Variants in C1orf232 observed in about 807,000 individuals in gnomAD.
The protein encoded by C1orf232 is chromosome 1 open reading frame 230.
In C1orf232, 10 loss-of-function variants were observed where a neutral mutation model predicts 12.1. The observed-to-expected ratio is 0.82, with a 90% confidence interval of 0.51 to 1.40. C1orf232 has a LOEUF of 1.40. Among genes scored for constraint, C1orf232 ranks in the 40% most tolerant of loss-of-function variants. C1orf232 has a pLI of 0.00. For missense variants in C1orf232, 88 were observed against 98.4 expected (o/e 0.89, Z 0.45); for synonymous variants, 36 against 39.8 (o/e 0.90, Z 0.36).
intron 1 of C1orf232, among the ~76,000 whole-genome samples, chr1:26,167,876 G>A (rs948498080): frequency 1.3e-4 from 20 of 152,068 alleles, no homozygotes; most frequent in Non-Finnish European, 2.9e-5. Flanking sequence ...CACCCACCTC[G>A]GCCTCCCAAA....
chr1:26,166,184 T>C, intron 1 of C1orf232, 66 bp from the exon 2 acceptor site: 2 of 1,146,328 alleles, frequency 1.7e-6, no homozygotes, highest in African/African-American at 3.2e-5. Flanking sequence ...CCTCCTCCAC[T>C]GCTAGCCTAG....
At chr1:26,165,682 C>T in intron 3 of C1orf232, 144 bp downstream of exon 3, 1 of 1,215,692 alleles carries the variant, frequency 8.2e-7, no homozygotes, top group Middle Eastern at 3.2e-4. Context: ...GGCCTGTTTC[C>T]TGCTGAGAGA....
intron 3 of C1orf232, chr1:26,165,580 G>A (rs942692031): frequency 1.3e-5 from 7 of 554,324 alleles, no homozygotes; most frequent in East Asian, 3.5e-5. Context: ...CGGATGGGTC[G>A]TGAGAGCCCA....
Position 26,168,599 on chromosome 1 carries a change from T to A in C1orf232, c.-100A>T. 1 of 728,362 alleles carries A rather than the reference T, an allele frequency of 1.4e-6. No homozygotes were observed. Among genetic ancestry groups the A allele is most frequent in the Non-Finnish European group, 1.9e-6 (1 of 528,588 alleles). 45.1% of individuals were successfully genotyped at this position (728,362 alleles called of 1,614,324 possible). On this transcript the variant is annotated 5_prime_UTR_variant, in exon 1 of 4. Transcript: ENST00000634842. ...TAGGAACTTGGTGAGGCCAAGAGCC[T>A]GTCCGAGGGATCCAGTGACTTCATT...
At position 26,168,882 on chromosome 1, in the gene C1orf232, C is replaced by G. The variant is rs114742841; in HGVS notation, c.-383G>C. Among the ~76,000 whole-genome samples the G allele has an allele frequency of 6.6e-6, 1 of 152,228 alleles. No homozygotes were observed. The highest frequency in any genetic ancestry group is 1.5e-5 in the Non-Finnish European group (1 of 68,040). ...AAAATCCTGAGGTCTGGGACCCACA[C>G]TGGAGCCCCTGTGACTGTAGTCATA... On this transcript the variant is annotated 5_prime_UTR_variant, in exon 1 of 4. Coordinates refer to ENST00000634842, the MANE Select transcript of C1orf232 (RefSeq NM_001364669.2).
At chr1:26,166,649 C>A (rs536742039) in intron 1 of C1orf232, among the ~76,000 whole-genome samples, 5 of 152,274 alleles carry the variant, frequency 3.3e-5, no homozygotes, top group Non-Finnish European at 5.9e-5. Flanking sequence ...ACCTGCCCAC[C>A]ACAGACACAT....
rs1383368247 is a variant in C1orf232, at chr1:26,164,295, C to G, written c.427G>C (p.Ala143Pro). 40 of 397,882 alleles carry G rather than the reference C, an allele frequency of 1.0e-4. No homozygotes were observed. Among genetic ancestry groups the G allele is most frequent in the Non-Finnish European group, 1.5e-4 (33 of 225,628 alleles). The allele number at this position is 397,882 out of a possible 1,614,324, so 24.6% of individuals were successfully genotyped here. ...GCGGCCTCCTCCGCGGCCTCGTCCG[C>G]GGGTTCGGGGTCCGGCTCCGGAGTG... ...EPTPEPDPEP[A>P]DEAAEEAAER... Residue 143 changes from alanine (A) to proline (P), a missense_variant, in exon 4 of 4, where the codon GCG (alanine) becomes CCG (proline). Transcript: ENST00000634842. This position sits in a 1 kb window ranked among gnomAD's most constrained non-coding sequence, Gnocchi z 4.2.
Position 26,164,540 on chromosome 1 carries a change from G to A in C1orf232, c.267-85C>T, listed in dbSNP as rs1013278683. On this transcript the variant is annotated intron_variant, in intron 3 of 3. Transcript: ENST00000634842. This position sits in a 1 kb window ranked among gnomAD's most constrained non-coding sequence, Gnocchi z 4.2. ...TGGGCTGACGGAGGAGTTTAGTGGG[G>A]CCGGGGGAACCTGGGCGGAGTCAGG... The A allele has an allele frequency of 8.3e-6, 3 of 360,470 alleles. No homozygotes were observed. The highest frequency in any genetic ancestry group is 1.5e-5 in the Non-Finnish European group (3 of 201,806). The allele number at this position is 360,470 out of a possible 1,614,324, so 22.3% of individuals were successfully genotyped here.
At chr1:26,165,786 A>G in intron 3 of C1orf232, 40 bp downstream of exon 3, 1 of 1,231,910 alleles carries the variant, frequency 8.1e-7, no homozygotes, top group Non-Finnish European at 1.0e-6. Flanking sequence ...GGGGGACCTC[A>G]GGCCCCTTCC....
Position 26,164,976 on chromosome 1 carries a change from T to G in C1orf232, c.267-521A>C, listed in dbSNP as rs2088409698. Among the ~76,000 whole-genome samples, 2 of 151,512 alleles carry G rather than the reference T, an allele frequency of 1.3e-5. No homozygotes were observed. On this transcript the variant is annotated intron_variant, in intron 3 of 3. Coordinates refer to ENST00000634842, the MANE Select transcript of C1orf232 (RefSeq NM_001364669.2). This position sits in a 1 kb window ranked among gnomAD's most constrained non-coding sequence, Gnocchi z 4.2. ...AGAAAGGTGGAGCGACAGGAAGGCCTAGGTCAGAGGCTTAGGGGAGAGCGC... is the reference window on the plus strand; with the variant it reads ...AGAAAGGTGGAGCGACAGGAAGGCCGAGGTCAGAGGCTTAGGGGAGAGCGC...
intron 1 of C1orf232, 87 bp from the exon 2 acceptor site, chr1:26,166,205 C>G (rs1569856590): frequency 1.0e-6 from 1 of 969,366 alleles, no homozygotes. Flanking sequence ...TACACACAGA[C>G]CAGGCACCCC....
chr1:26,166,246 C>T (rs987559667), intron 1 of C1orf232, 128 bp from the exon 2 acceptor site: 4 of 529,022 alleles, frequency 7.6e-6, no homozygotes, highest in African/African-American at 5.9e-5. Context: ...CACACCTATA[C>T]ACTCCACAGA....
intron 3 of C1orf232, among the ~76,000 whole-genome samples, chr1:26,165,287 C>T (rs2088414307): frequency 6.6e-6 from 1 of 152,084 alleles, no homozygotes; most frequent in Non-Finnish European, 1.5e-5. Flanking sequence ...TCCCAGGTCC[C>T]ACCCGCTAAT....
At chr1:26,167,233 A>G (rs1427868929) in intron 1 of C1orf232, among the ~76,000 whole-genome samples, 2 of 152,212 alleles carry the variant, frequency 1.3e-5, no homozygotes, top group Admixed American at 1.3e-4. Context: ...TTGTTTTGAG[A>G]CAAAGTCTCA....
In C1orf232 at chr1:26,165,922, A is replaced by G. The variant is rs2088421414; in HGVS notation, c.170T>C (p.Val57Ala). ...CCAGCCTTTCACCCCGACCCCCTGA[A>G]CCTGGGAAAGGGGTTGGGAGTCAGG... is the stretch of plus-strand genomic sequence containing the variant. Reference protein sequence around the residue: ...FNPMSQLARRVQGVGVKGWLT... With the variant: ...FNPMSQLARRAQGVGVKGWLT... The change falls in exon 3 of 4, where the codon GTT (valine) becomes GCT (alanine). Residue 57 changes from valine to alanine, a missense_variant and splice_region_variant. Physicochemically the swap from Val to Ala is moderately conservative, Grantham distance 64. Transcript: ENST00000634842. 1.6e-6 allele frequency: 2 copies of G among 1,231,690 alleles called. No individual in the cohort carries two copies. The highest frequency in any genetic ancestry group is 2.0e-6 in the Non-Finnish European group (2 of 988,006). The allele number at this position is 1,231,690 out of a possible 1,614,324, so 76.3% of individuals were successfully genotyped here. A position where few individuals can be genotyped will look rare whatever the true frequency, so the allele number is the denominator to read the frequency against.
chr1:26,166,210 C>T, intron 1 of C1orf232, 92 bp from the exon 2 acceptor site: 1 of 924,600 alleles, frequency 1.1e-6, no homozygotes, highest in East Asian at 3.3e-5. Context: ...ACAGACCAGG[C>T]ACCCCAAATC....
intron 1 of C1orf232, among the ~76,000 whole-genome samples, chr1:26,167,976 A>G (rs1198740883): frequency 6.6e-6 from 1 of 152,128 alleles, no homozygotes; most frequent in African/African-American, 2.4e-5. Context: ...TAATGTCAGA[A>G]CAAAGCATGG....
intron 3 of C1orf232, 111 bp downstream of exon 3, chr1:26,165,715 C>T (rs2088417994): frequency 8.1e-7 from 1 of 1,231,222 alleles, no homozygotes. Context: ...CTGGGACTGC[C>T]CCTCCCCAGC....
intron 1 of C1orf232, among the ~76,000 whole-genome samples, chr1:26,167,194 T>G (rs1279815840): frequency 6.6e-6 from 1 of 152,212 alleles, no homozygotes; most frequent in African/African-American, 2.4e-5. Context: ...GACATAAGAC[T>G]GTCCCTGGTT....
Sources: allele counts gnomAD v4.1 joint callset (sites outside exome capture counted in the v4.1 genomes callset), GRCh38; gene constraint gnomAD v4.1.1; non-coding constraint Gnocchi (gnomAD v3.1); transcripts MANE v1.5; gene names NCBI Gene and HGNC (gene_info 2026-07-23, HGNC 2026-07-21).